Variants in FAM153A observed in about 807,000 individuals in gnomAD.
The protein encoded by FAM153A is family with sequence similarity 153 member A.
FAM153A carries 12 observed loss-of-function variants against 48.1 expected under a neutral mutation model. That is an observed-to-expected ratio of 0.25 (90% CI 0.16 to 0.40). The LOEUF (loss-of-function observed/expected upper bound fraction) is 0.40, where lower values mean the gene tolerates loss of function less well. Ranked by LOEUF, FAM153A falls within the 10% of genes least tolerant of loss-of-function variation. The pLI, the probability that FAM153A is intolerant of heterozygous loss-of-function variation, is 1.00. For missense variants in FAM153A, 111 were observed against 345.8 expected (o/e 0.32, Z 5.38); for synonymous variants, 36 against 118.2 (o/e 0.30, Z 4.51).
downstream of FAM153A, among the ~76,000 whole-genome samples, chr5:177,703,591 A>C: frequency 7.0e-6 from 1 of 143,528 alleles, no homozygotes; most frequent in South Asian, 2.4e-4. Flanking sequence ...GTAATCCTCA[A>C]TGTTTGAGGT....
chr5:177,738,213 T>C (rs1294226472), intron 10 of FAM153A, among the ~76,000 whole-genome samples: 2 of 151,336 alleles, frequency 1.3e-5, no homozygotes, highest in African/African-American at 4.9e-5. Flanking sequence ...GTGTCTTGGG[T>C]GTGTGTGCTG....
At chr5:177,759,667 A>T (rs1202575254) in intron 1 of FAM153A, among the ~76,000 whole-genome samples, 2 of 151,534 alleles carry the variant, frequency 1.3e-5, no homozygotes, top group Non-Finnish European at 2.9e-5. Context: ...CTTTGTAGGG[A>T]CATGGATGAA....
downstream of FAM153A, among the ~76,000 whole-genome samples, chr5:177,719,043 G>C (rs1016921368): frequency 6.6e-6 from 1 of 151,298 alleles, no homozygotes; most frequent in Non-Finnish European, 1.5e-5. Context: ...ACCTTGCCTG[G>C]ATAATTTTTG....
upstream of FAM153A, among the ~76,000 whole-genome samples, chr5:177,758,031 A>G (rs1767924083): frequency 6.6e-6 from 1 of 151,688 alleles, no homozygotes; most frequent in South Asian, 2.1e-4. Context: ...GAGGAAGTCA[A>G]ATTGTCCCTG....
chr5:177,719,476 C>T (rs1469602348), downstream of FAM153A, among the ~76,000 whole-genome samples: 2 of 150,954 alleles, frequency 1.3e-5, no homozygotes, highest in African/African-American at 4.9e-5. Context: ...GGAGGGAGGA[C>T]ACTGCAGAAG....
chr5:177,781,866 C>A (rs1769704235), upstream of FAM153A, among the ~76,000 whole-genome samples: 2 of 92,160 alleles, frequency 2.2e-5, no homozygotes, highest in African/African-American at 4.0e-5. Flanking sequence ...CTACAGGCGC[C>A]CGCCACCACG....
downstream of FAM153A, among the ~76,000 whole-genome samples, chr5:177,719,126 C>T (rs946461339): frequency 1.7e-4 from 25 of 151,352 alleles, 1 homozygote; most frequent in African/African-American, 6.1e-4. Flanking sequence ...TCAAGCATTC[C>T]ACCCACCTTG....
chr5:177,753,961 C>T (rs1203413494), upstream of FAM153A, among the ~76,000 whole-genome samples: 11 of 151,868 alleles, frequency 7.2e-5, 1 homozygote, highest in East Asian at 1.9e-4. Flanking sequence ...ATCAGGCTCA[C>T]CTCATTGGGG....
downstream of FAM153A, among the ~76,000 whole-genome samples, chr5:177,719,209 CTG>C: frequency 6.6e-6 from 1 of 151,456 alleles, no homozygotes; most frequent in African/African-American, 2.4e-5. Context: ...CATGAGAAAA[CTG>C]TTATAACTTC....
intron 2 of FAM153A, chr5:177,750,318 T>A (rs1766685019): frequency 6.5e-6 from 1 of 153,938 alleles, no homozygotes; most frequent in African/African-American, 2.4e-5. Context: ...AAAGACATTG[T>A]CAGTTTGTCA....
At chr5:177,701,202 C>T in the FAM153A span, among the ~76,000 whole-genome samples, 1 of 151,950 alleles carries the variant, frequency 6.6e-6, no homozygotes, top group Admixed American at 6.5e-5. Flanking sequence ...TCCCCAGAAG[C>T]AGAAGCCACT....
chr5:177,776,551 A>C lies in FAM153A; in HGVS notation c.-57+3898T>G, dbSNP rs1387174884. On this transcript the variant is annotated intron_variant, in intron 1 of 8. Coordinates refer to the FAM153A transcript ENST00000393518. Reference sequence around the variant, plus strand: ...AATAAAATACCTAGGAATCCAACTTACAAGGGATGTGAAGGACCTCTTCAA... The same window carrying C: ...AATAAAATACCTAGGAATCCAACTTCCAAGGGATGTGAAGGACCTCTTCAA... Among the ~76,000 whole-genome samples, 4 of 82,302 alleles carry C rather than the reference A, an allele frequency of 4.9e-5. 1 individual carries two copies. The highest frequency in any genetic ancestry group is 2.0e-4 in the African/African-American group (4 of 19,750). 54.0% of individuals were successfully genotyped at this position (82,302 alleles called of 152,430 possible).
chr5:177,759,746 T>C (rs1172844748), intron 1 of FAM153A, among the ~76,000 whole-genome samples: 1 of 150,682 alleles, frequency 6.6e-6, no homozygotes, highest in African/African-American at 2.5e-5. Flanking sequence ...TTCTCACTCA[T>C]AGGTGGTAAT....
At chr5:177,755,880 C>T (rs2127704582), upstream of FAM153A, among the ~76,000 whole-genome samples, 1 of 150,232 alleles carries the variant, frequency 6.7e-6, no homozygotes, top group Admixed American at 6.6e-5. Context: ...ACTGTAAAAC[C>T]ATGCCAAATT....
chr5:177,749,308 C>A (rs1582450491), intron 2 of FAM153A, among the ~76,000 whole-genome samples: 1 of 149,540 alleles, frequency 6.7e-6, no homozygotes, highest in East Asian at 2.0e-4. Flanking sequence ...CCTCCTCCCC[C>A]AAAATATAAC....
chr5:177,734,861 A>G lies in FAM153A; in HGVS notation c.735+2T>C. On this transcript the variant is annotated splice_donor_variant, in intron 13 of 20. Coordinates refer to ENST00000614127, the Ensembl canonical transcript of FAM153A. LOFTEE classifies it high-confidence loss of function. ...TTCTCAGACAAATCCAGTTGGCCTG[A>G]CCTTCACCTCCTCTGGGTCCTCCTC... is the stretch of plus-strand genomic sequence containing the variant. 1 of 1,461,560 alleles carries G rather than the reference A, an allele frequency of 6.8e-7. No homozygotes were observed. The highest frequency in any genetic ancestry group is 9.4e-7 in the Non-Finnish European group (1 of 1,062,672). 90.5% of individuals were successfully genotyped at this position (1,461,560 alleles called of 1,614,324 possible). A position where few individuals can be genotyped will look rare whatever the true frequency, so the allele number is the denominator to read the frequency against.
intron 6 of FAM153A, among the ~76,000 whole-genome samples, chr5:177,743,201 G>GTTTTTTTTTTT (rs1191782624): frequency 1.2e-5 from 1 of 86,474 alleles, no homozygotes; most frequent in Non-Finnish European, 2.4e-5. Context: ...TTTTTTTTTT[G>GTTTTTTTTTTT]TTTTGTTTTT....
intron 4 of FAM153A, among the ~76,000 whole-genome samples, chr5:177,745,950 T>C (rs372807334): frequency 0.12 from 18,692 of 150,114 alleles, 1,387 homozygotes; most frequent in East Asian, 0.33. Flanking sequence ...CCGATAATGA[T>C]AGTGTTTGGG....
chr5:177,702,530 A>G, the FAM153A span, among the ~76,000 whole-genome samples: 1 of 151,970 alleles, frequency 6.6e-6, no homozygotes, highest in Non-Finnish European at 1.5e-5. Context: ...AAATTTGCAT[A>G]CGTAAAAAGG....
Sources: gnomAD v4.1 joint callset for allele counts (sites outside exome capture counted in the v4.1 genomes callset) on GRCh38, gnomAD v4.1.1 for gene constraint, MANE v1.5 for transcripts, NCBI Gene and HGNC (gene_info 2026-07-23, HGNC 2026-07-21) for gene names.